The following NIBAN3 variants were observed in gnomAD, a reference collection of about 807,000 sequenced individuals.
NIBAN3 encodes the protein protein Niban 3.
Under a neutral mutation model 76.4 loss-of-function variants are expected in NIBAN3, and 66 were observed. The ratio of observed to expected loss-of-function variants is 0.86; its 90% CI spans 0.71 to 1.06. The LOEUF (loss-of-function observed/expected upper bound fraction) is 1.06, where lower values mean the gene tolerates loss of function less well. Ranked by LOEUF, NIBAN3 falls within the 50% of genes least tolerant of loss-of-function variation. The pLI, the probability that NIBAN3 is intolerant of heterozygous loss-of-function variation, is 0.00. For synonymous variants in NIBAN3, 360 were observed against 355.2 expected (o/e 1.01, Z -0.15); for missense variants, 808 against 810.7 (o/e 1.00, Z 0.04).
downstream of NIBAN3, among the ~76,000 whole-genome samples, chr19:17,554,038 A>AT (rs1186231032): frequency 5.3e-5 from 8 of 151,774 alleles, no homozygotes; most frequent in Non-Finnish European, 1.0e-4. Flanking sequence ...TGACCGGCTA[A>AT]TTTTTTGTGT....
downstream of NIBAN3, chr19:17,553,794 C>T (rs1050994796): frequency 8.7e-5 from 39 of 448,682 alleles, no homozygotes; most frequent in East Asian, 1.4e-3. Context: ...TGGGATGTAT[C>T]TTGTCACCTC....
At chr19:17,545,648 CAG>C (rs547893225) in intron 12 of NIBAN3, 429 of 159,838 alleles carry the variant, frequency 2.7e-3, no homozygotes, top group South Asian at 8.9e-3. Flanking sequence ...GCAGCTGAGG[CAG>C]AGAGAGAGAG....
rs1286263768 is a variant in NIBAN3, at chr19:17,542,387, C to T, written c.1329+93C>T. On this transcript the variant is annotated intron_variant, in intron 10 of 14. Coordinates refer to ENST00000599164, the MANE Select transcript of NIBAN3 (RefSeq NM_001321827.2). The surrounding 1 kb of genome is among the most constrained non-coding windows in gnomAD (Gnocchi z 4.8). ...TGTGCCCTGGAGAGACCACGATGAT[C>T]GAGACAACTCCGCGGGGCTGCCAGT... 16 of 1,344,808 alleles carry T rather than the reference C, an allele frequency of 1.2e-5. No individual in the cohort carries two copies. The highest frequency in any genetic ancestry group is 2.3e-5 in the East Asian group (1 of 42,766). The allele number at this position is 1,344,808 out of a possible 1,614,324, so 83.3% of individuals were successfully genotyped here.
At chr19:17,537,329 C>G in intron 4 of NIBAN3, 47 bp from the exon 5 acceptor site, 1 of 1,582,726 alleles carries the variant, frequency 6.3e-7, no homozygotes, top group Non-Finnish European at 8.6e-7. Context: ...GGTATTTTCT[C>G]CTAGTGAATG....
At chr19:17,555,077 T>C (rs1054468684), downstream of NIBAN3, among the ~76,000 whole-genome samples, 2 of 152,178 alleles carry the variant, frequency 1.3e-5, no homozygotes, top group Non-Finnish European at 2.9e-5. Context: ...TCCATTATCA[T>C]GCCCTGGCTC....
chr19:17,546,469 C>A, intron 12 of NIBAN3: 1 of 912,572 alleles, frequency 1.1e-6, no homozygotes, highest in Non-Finnish European at 1.3e-6. Flanking sequence ...CCCACCTCAG[C>A]CAACCAAAGT....
At chr19:17,539,563 C>T in intron 7 of NIBAN3, 40 bp from the exon 8 acceptor site, 1 of 1,487,926 alleles carries the variant, frequency 6.7e-7, no homozygotes, top group East Asian at 2.5e-5. Context: ...CATCCCCGCC[C>T]CGTGTCTCGG....
At chr19:17,538,907 T>C (rs1370052720) in intron 5 of NIBAN3, among the ~76,000 whole-genome samples, 2 of 152,134 alleles carry the variant, frequency 1.3e-5, no homozygotes, top group East Asian at 3.9e-4. Context: ...GTGGCTGCAG[T>C]ATGTATGGCC....
chr19:17,553,570 C>G lies in NIBAN3; in HGVS notation c.*1672C>G, dbSNP rs201757380. 4 of 1,611,288 alleles carry G rather than the reference C, an allele frequency of 2.5e-6. No individual in the cohort carries two copies. The African/African-American group carries it at 5.3e-5, about 21-fold the overall frequency. ...GCCTACCCCAAGACAATGAGATATT[C>G]CTGACCTTTCCACCTATTTCCCTCC... On this transcript the variant is annotated 3_prime_UTR_variant, in exon 15 of 15. Coordinates refer to ENST00000599164, the MANE Select transcript of NIBAN3 (RefSeq NM_001321827.2).
At position 17,549,491 on chromosome 19, in the gene NIBAN3, G is replaced by T; in HGVS notation, c.1714G>T (p.Gly572Cys). ...GANDVSCTLD[G>C]CLEVPWEQEG... The stretch of plus-strand genomic sequence containing the variant: ...CAATGATGTATCCTGCACTCTGGAC[G>T]GCTGCTTGGAGGTCCCATGGGAACA... The change falls in exon 14 of 15, where the codon GGC becomes TGC. Residue 572 changes from glycine to cysteine, a missense_variant. By Grantham distance (159) the Gly-to-Cys change is radical. Coordinates refer to ENST00000599164, the MANE Select transcript of NIBAN3 (RefSeq NM_001321827.2). The T allele has an allele frequency of 6.2e-7, 1 of 1,613,534 alleles. No individual in the cohort carries two copies. The highest frequency in any genetic ancestry group is 8.5e-7 in the Non-Finnish European group (1 of 1,179,712).
chr19:17,542,793 G>A lies in NIBAN3; in HGVS notation c.1329+499G>A, dbSNP rs913877017. On this transcript the variant is annotated intron_variant, in intron 10 of 14. Coordinates refer to ENST00000599164, the MANE Select transcript of NIBAN3 (RefSeq NM_001321827.2). The surrounding 1 kb of genome is among the most constrained non-coding windows in gnomAD (Gnocchi z 4.8). ...GGGGGAGGGCATGGCTGGATTTAAG[G>A]TTTAGGAAGCTTTGCCTGCCATAGG... 6.6e-6 allele frequency among the ~76,000 whole-genome samples: 1 copy of A among 152,108 alleles called. No homozygotes were observed. The highest frequency in any genetic ancestry group is 1.5e-5 in the Non-Finnish European group (1 of 68,022).
chr19:17,539,925 A>G (rs1160024605), intron 8 of NIBAN3, among the ~76,000 whole-genome samples, 160 bp downstream of exon 8: 1 of 147,074 alleles, frequency 6.8e-6, no homozygotes, highest in African/African-American at 2.6e-5. Context: ...ACGGGTGGGG[A>G]AGGGGCGGGG....
intron 7 of NIBAN3, 65 bp from the exon 8 acceptor site, chr19:17,539,538 G>A: frequency 2.0e-6 from 3 of 1,468,880 alleles, no homozygotes; most frequent in East Asian, 2.5e-5. Context: ...ACCCTCTCCC[G>A]ATCTCTCTGA....
At position 17,539,140 on chromosome 19, in the gene NIBAN3, C is replaced by T. The variant is rs2075884768; in HGVS notation, c.596-10C>T. 3 of 1,566,330 alleles carry T rather than the reference C, an allele frequency of 1.9e-6. No homozygotes were observed. Among genetic ancestry groups the T allele is most frequent in the South Asian group, 1.2e-5 (1 of 85,992 alleles). ...GCTACCAGCAGGCACTGAGGAGCAG[C>T]CCCTCTCAGTCCTGCAGCGAAGCCA... is the stretch of plus-strand genomic sequence containing the variant. On this transcript the variant is annotated splice_polypyrimidine_tract_variant and intron_variant, in intron 5 of 14. Transcript: ENST00000599164.
At chr19:17,539,809 T>C (rs1474694509) in intron 8 of NIBAN3, 44 bp downstream of exon 8, 1 of 1,430,478 alleles carries the variant, frequency 7.0e-7, no homozygotes, top group Non-Finnish European at 9.3e-7. Context: ...GGCGAGGCGA[T>C]GCTGGGGAAA....
At position 17,539,588 on chromosome 19, in the gene NIBAN3, G is replaced by C. The variant is rs764576998; in HGVS notation, c.817-15G>C. On this transcript the variant is annotated splice_polypyrimidine_tract_variant and intron_variant, in intron 7 of 14. Transcript: ENST00000599164. ...CCGTGTCTCGGCTTTGTCCCCCCTC[G>C]ACCGGTCTGGGCAGCTTCTAGACGC... 9.8e-6 allele frequency: 15 copies of C among 1,525,384 alleles called. No individual in the cohort carries two copies. The Admixed American group carries it at 2.8e-4, about 28-fold the overall frequency. 94.5% of individuals were successfully genotyped at this position (1,525,384 alleles called of 1,614,324 possible). A position where few individuals can be genotyped will look rare whatever the true frequency, so the allele number is the denominator to read the frequency against.
chr19:17,530,972 C>T, intron 2 of NIBAN3, 87 bp downstream of exon 2: 1 of 1,437,924 alleles, frequency 7.0e-7, no homozygotes, highest in South Asian at 1.3e-5. Context: ...AACCTCAGAC[C>T]TTTGCCATTG....
chr19:17,525,218 G>T (rs1253479824), upstream of NIBAN3, among the ~76,000 whole-genome samples: 1 of 152,134 alleles, frequency 6.6e-6, no homozygotes, highest in African/African-American at 2.4e-5. Context: ...CCCAGCCAAC[G>T]CTGGATCCAG....
chr19:17,536,785 A>G (rs567959977), intron 4 of NIBAN3, among the ~76,000 whole-genome samples: 3 of 151,970 alleles, frequency 2.0e-5, no homozygotes, highest in Non-Finnish European at 2.9e-5. Context: ...TGTTAACCCC[A>G]TTTGGGCAGG....
Sources: gnomAD v4.1 joint callset for allele counts (sites outside exome capture counted in the v4.1 genomes callset) on GRCh38, gnomAD v4.1.1 for gene constraint, Gnocchi (gnomAD v3.1) non-coding constraint, MANE v1.5 for transcripts, NCBI Gene and HGNC (gene_info 2026-07-23, HGNC 2026-07-21) for gene names.